Variants in KCTD5 observed in about 807,000 individuals in gnomAD.
KCTD5 encodes the protein potassium channel tetramerization domain containing 5.
A neutral mutation model predicts 27.9 loss-of-function variants in KCTD5; 12 were observed. The observed-to-expected ratio is 0.43, with a 90% CI of 0.28 to 0.70. The LOEUF (loss-of-function observed/expected upper bound fraction) is 0.70. Among genes scored for constraint, KCTD5 ranks in the 30% least tolerant of loss-of-function variants. The pLI is 0.19. For synonymous variants in KCTD5, 147 were observed against 121.4 expected (o/e 1.21, Z -1.39); for missense variants, 226 against 274.8 (o/e 0.82, Z 1.26).
At chr16:2,706,195 G>A (rs909510584) in intron 5 of KCTD5, among the ~76,000 whole-genome samples, 4 of 152,222 alleles carry the variant, frequency 2.6e-5, no homozygotes, top group Non-Finnish European at 5.9e-5. Flanking sequence ...AGAGCTGTTG[G>A]GGGGTGGAGT....
At chr16:2,702,972 G>T (rs550008175) in intron 5 of KCTD5, among the ~76,000 whole-genome samples, 1 of 152,156 alleles carries the variant, frequency 6.6e-6, no homozygotes, top group Non-Finnish European at 1.5e-5. Flanking sequence ...CATCTTTGTC[G>T]AGAGGAGGGT....
chr16:2,687,685 C>G (rs1325031257), intron 1 of KCTD5, among the ~76,000 whole-genome samples: 3 of 152,216 alleles, frequency 2.0e-5, no homozygotes, highest in Non-Finnish European at 4.4e-5. Context: ...CGTTAACCAC[C>G]AGGCATCCCA....
chr16:2,692,831 G>C (rs1351783259), intron 1 of KCTD5, among the ~76,000 whole-genome samples: 1 of 152,264 alleles, frequency 6.6e-6, no homozygotes, highest in Non-Finnish European at 1.5e-5. Context: ...ATAGGAGTAA[G>C]CCAGGCAGTG....
intron 5 of KCTD5, among the ~76,000 whole-genome samples, chr16:2,704,616 G>T (rs1388851283): frequency 6.6e-6 from 1 of 152,232 alleles, no homozygotes; most frequent in African/African-American, 2.4e-5. Context: ...CGGGCACCTG[G>T]GCAGAGGCCG....
At chr16:2,692,016 G>C (rs867199166) in intron 1 of KCTD5, among the ~76,000 whole-genome samples, 2 of 152,178 alleles carry the variant, frequency 1.3e-5, no homozygotes, top group Admixed American at 1.3e-4. Context: ...TGGTCCCTCT[G>C]TCAGGAGCCT....
intron 3 of KCTD5, among the ~76,000 whole-genome samples, chr16:2,698,425 G>A (rs1458468656): frequency 6.6e-6 from 1 of 152,216 alleles, no homozygotes; most frequent in Non-Finnish European, 1.5e-5. Flanking sequence ...GAAGGACCTT[G>A]GTTTTATTGG....
intron 4 of KCTD5, among the ~76,000 whole-genome samples, chr16:2,702,109 C>T (rs1174680571): frequency 6.6e-6 from 1 of 152,190 alleles, no homozygotes; most frequent in South Asian, 2.1e-4. Flanking sequence ...CAGCTGGAAG[C>T]GCCAAGGAAA....
intron 1 of KCTD5, among the ~76,000 whole-genome samples, chr16:2,690,208 C>T (rs961000675): frequency 1.8e-4 from 28 of 152,224 alleles, no homozygotes; most frequent in African/African-American, 6.3e-4. Flanking sequence ...GGGGAGTGGG[C>T]GAGCAGTCAG....
chr16:2,696,904 A>G (rs568894639), intron 2 of KCTD5, among the ~76,000 whole-genome samples: 1 of 152,334 alleles, frequency 6.6e-6, no homozygotes, highest in Admixed American at 6.5e-5. Flanking sequence ...TCGCTTGGGC[A>G]GCCGCTTGTG....
At chr16:2,707,084 G>GC (rs2067640227) in intron 5 of KCTD5, among the ~76,000 whole-genome samples, 1 of 152,084 alleles carries the variant, frequency 6.6e-6, no homozygotes, top group Non-Finnish European at 1.5e-5. Flanking sequence ...TGCACAGTGA[G>GC]CGCTCCCTGT....
chr16:2,703,546 A>G (rs532213344), intron 5 of KCTD5, among the ~76,000 whole-genome samples: 1 of 152,294 alleles, frequency 6.6e-6, no homozygotes, highest in South Asian at 2.1e-4. Flanking sequence ...CCAGCAGCCC[A>G]GGACTGTCCC....
At chr16:2,699,774 G>GA (rs1231322762) in intron 3 of KCTD5, 47 bp from the exon 4 acceptor site, 2 of 1,573,810 alleles carry the variant, frequency 1.3e-6, no homozygotes, top group Non-Finnish European at 1.7e-6. Context: ...ACAGGCAGCA[G>GA]TGGGACATGG....
intron 1 of KCTD5, among the ~76,000 whole-genome samples, chr16:2,688,245 ATTTATT>A (rs1337114215): frequency 1.1e-3 from 75 of 66,222 alleles, no homozygotes; most frequent in African/African-American, 2.7e-3. Context: ...ATATATATAT[ATTTATT>A]TATTTATTTA....
chr16:2,697,679 C>T (rs2067592397), intron 2 of KCTD5, among the ~76,000 whole-genome samples: 1 of 152,332 alleles, frequency 6.6e-6, no homozygotes, highest in Admixed American at 6.5e-5. Context: ...GGTGTTCAGT[C>T]CACACATCGG....
At position 2,707,446 on chromosome 16, in the gene KCTD5, C is replaced by G. The variant is rs1393188111; in HGVS notation, c.*119C>G. ...TGCTTTTGATCATTTTTCTAGAGAT[C>G]TGGGTGTGAATCCTTTTTTGCCTCT... On this transcript the variant is annotated 3_prime_UTR_variant, in exon 6 of 6. Transcript: ENST00000301738. The G allele has an allele frequency of 1.9e-6, 2 of 1,080,266 alleles. No individual in the cohort carries two copies. The highest frequency in any genetic ancestry group is 2.5e-5 in the South Asian group (2 of 78,516). 66.9% of individuals were successfully genotyped at this position (1,080,266 alleles called of 1,614,324 possible). A position where few individuals can be genotyped will look rare whatever the true frequency, so the allele number is the denominator to read the frequency against.
chr16:2,685,326 G>T (rs2067536125), intron 1 of KCTD5, among the ~76,000 whole-genome samples: 1 of 152,076 alleles, frequency 6.6e-6, no homozygotes, highest in African/African-American at 2.4e-5. Context: ...TACTCGGGAG[G>T]CTGAGGCAGG....
At chr16:2,693,639 G>C (rs1258276716) in intron 1 of KCTD5, among the ~76,000 whole-genome samples, 2 of 152,208 alleles carry the variant, frequency 1.3e-5, no homozygotes, top group East Asian at 1.9e-4. Context: ...CATCCTTCCA[G>C]TTGCAGGGCT....
intron 1 of KCTD5, among the ~76,000 whole-genome samples, chr16:2,685,118 C>T (rs1205919830): frequency 2.0e-5 from 3 of 152,218 alleles, no homozygotes; most frequent in Non-Finnish European, 4.4e-5. Context: ...ACAGTCGTCT[C>T]TGTCTCATAC....
chr16:2,690,854 A>G (rs1425230715), intron 1 of KCTD5, among the ~76,000 whole-genome samples: 1 of 152,210 alleles, frequency 6.6e-6, no homozygotes, highest in East Asian at 1.9e-4. Context: ...GCCTCGGAGT[A>G]TATCCTGAAT....
Sources: allele counts gnomAD v4.1 joint callset (sites outside exome capture counted in the v4.1 genomes callset), GRCh38; gene constraint gnomAD v4.1.1; transcripts MANE v1.5; gene names NCBI Gene and HGNC (gene_info 2026-07-23, HGNC 2026-07-21).